NEB: variants seen among roughly 807,000 people sequenced by gnomAD.
NEB encodes the protein nemaline myopathy type 2.
In NEB, 512 loss-of-function variants were observed where a neutral mutation model predicts 952.2. The observed-to-expected ratio is 0.54, with a 90% CI of 0.50 to 0.58. The LOEUF is 0.58. NEB is among the 20% of genes least tolerant of loss of function. NEB has a pLI of 0.00. For synonymous variants in NEB, 2,900 were observed against 3,149.8 expected (o/e 0.92, Z 2.66); for missense variants, 8,428 against 9,231.1 (o/e 0.91, Z 3.56).
chr2:151,545,593 G>C (rs937502494), intron 135 of NEB, among the ~76,000 whole-genome samples: 1 of 151,464 alleles, frequency 6.6e-6, no homozygotes, highest in African/African-American at 2.4e-5. Context: ...AAAAGAAAAA[G>C]AAAGGTCTTT....
At chr2:151,510,214 A>G (rs1023670066) in intron 161 of NEB, among the ~76,000 whole-genome samples, 2 of 152,190 alleles carry the variant, frequency 1.3e-5, no homozygotes, top group Non-Finnish European at 2.9e-5. Context: ...CAGACCCCCA[A>G]TAAACTTGTT....
intron 64 of NEB, among the ~76,000 whole-genome samples, chr2:151,635,363 T>G (rs2154085551): frequency 6.6e-6 from 1 of 152,226 alleles, no homozygotes; most frequent in African/African-American, 2.4e-5. Context: ...CAAGAATCCC[T>G]GAGGCACCAG....
chr2:151,521,532 A>C (rs1466206741), intron 153 of NEB, among the ~76,000 whole-genome samples: 1 of 152,234 alleles, frequency 6.6e-6, no homozygotes, highest in Admixed American at 6.5e-5. Flanking sequence ...GAGTTGTGAA[A>C]CACAGAAAAG....
intron 181 of NEB, among the ~76,000 whole-genome samples, chr2:151,488,699 A>G (rs1325814470): frequency 6.6e-6 from 1 of 152,092 alleles, no homozygotes; most frequent in East Asian, 1.9e-4. Context: ...ACAATTTTGT[A>G]TTTTACATCT....
At position 151,554,035 on chromosome 2, in the gene NEB, T is replaced by G; in HGVS notation, c.19429-10A>C. ...CTGATCTGTACAGGCGCTGTAAAGT[T>G]AAAATCACATGCCAGTTATACAGGA... is the stretch of plus-strand genomic sequence containing the variant. On this transcript the variant is annotated splice_polypyrimidine_tract_variant and intron_variant, in intron 125 of 181. Transcript: ENST00000397345. 1 of 1,612,586 alleles carries G rather than the reference T, an allele frequency of 6.2e-7. No individual in the cohort carries two copies. The highest frequency in any genetic ancestry group is 8.5e-7 in the Non-Finnish European group (1 of 1,178,810).
At chr2:151,691,997 A>T in intron 22 of NEB, 29 bp from the exon 23 acceptor site, 1 of 1,607,740 alleles carries the variant, frequency 6.2e-7, no homozygotes, top group East Asian at 2.2e-5. Context: ...AAAATAGATC[A>T]TGATTGTTAT....
At chr2:151,573,484 C>T (rs920783632) in intron 107 of NEB, among the ~76,000 whole-genome samples, 4 of 152,106 alleles carry the variant, frequency 2.6e-5, no homozygotes, top group African/African-American at 7.2e-5. Context: ...GACAAGAATG[C>T]GCTGCACCAT....
chr2:151,494,161 C>G lies in NEB; in HGVS notation c.24579G>C (p.Ser8193=), dbSNP rs202048855. The G allele has an allele frequency of 3.8e-5, 61 of 1,601,982 alleles. No homozygotes were observed. The East Asian group carries it at 1.3e-3, about 35-fold the overall frequency. ...GCACTTTTGTTTCTCAAGACAATAC[C>G]GAGCTAATGTTTTCTTGATTGCGTT... is the stretch of plus-strand genomic sequence containing the variant. ...RVKRNQENIS[S]VLYKENLGKA... Residue 8193 remains serine, a splice_region_variant and synonymous_variant, in exon 174 of 182, where the codon TCG becomes TCC. Transcript: ENST00000397345.
At chr2:151,625,720 T>C in intron 70 of NEB, 82 bp from the exon 71 acceptor site, 1 of 877,690 alleles carries the variant, frequency 1.1e-6, no homozygotes. Flanking sequence ...CATGACAAAG[T>C]TGAGAGCCAG....
intron 153 of NEB, among the ~76,000 whole-genome samples, chr2:151,523,897 A>G (rs1481904827): frequency 6.6e-5 from 10 of 152,204 alleles, no homozygotes. Context: ...TGAAAAAAAA[A>G]TGAATATTTT....
intron 157 of NEB, among the ~76,000 whole-genome samples, chr2:151,515,828 C>T (rs1434331241): frequency 2.6e-5 from 4 of 152,198 alleles, no homozygotes; most frequent in African/African-American, 9.6e-5. Flanking sequence ...GAAAGCTCCA[C>T]AAACTGCTGC....
chr2:151,507,800 G>A, intron 162 of NEB: 1 of 536,170 alleles, frequency 1.9e-6, no homozygotes, highest in Admixed American at 3.1e-5. Context: ...CACCAACGAA[G>A]TAACAGATGA....
chr2:151,679,208 C>T (rs2099396559), intron 32 of NEB, among the ~76,000 whole-genome samples: 1 of 152,094 alleles, frequency 6.6e-6, no homozygotes, highest in Admixed American at 6.5e-5. Flanking sequence ...AAAATGACTT[C>T]AGTTCACATC....
At chr2:151,626,511 A>T (rs1201090311) in intron 70 of NEB, among the ~76,000 whole-genome samples, 3 of 152,038 alleles carry the variant, frequency 2.0e-5, no homozygotes, top group Non-Finnish European at 4.4e-5. Context: ...ATAGACTTCA[A>T]ACAATTTGAA....
chr2:151,647,094 A>G (rs1475359846), intron 54 of NEB, among the ~76,000 whole-genome samples: 2 of 151,878 alleles, frequency 1.3e-5, no homozygotes, highest in Non-Finnish European at 1.5e-5. Flanking sequence ...CAAAAGTTTC[A>G]CAGACTTACT....
intron 28 of NEB, among the ~76,000 whole-genome samples, chr2:151,683,280 T>C (rs1281325042): frequency 6.6e-6 from 1 of 152,194 alleles, no homozygotes; most frequent in African/African-American, 2.4e-5. Flanking sequence ...TGTTTCTACA[T>C]TGGCTAACAA....
At position 151,497,959 on chromosome 2, in the gene NEB, T is replaced by G. The variant is rs1266153414; in HGVS notation, c.24208-241A>C. On this transcript the variant is annotated intron_variant, in intron 170 of 181. Coordinates refer to ENST00000397345, the MANE Select transcript of NEB (RefSeq NM_001164508.2). ...AGTTATCCATGTTATTTTTTTTCAT[T>G]TTTGTGAGTACGGTGCCTCCTAAAC... The G allele has an allele frequency of 1.1e-5, 16 of 1,437,940 alleles. No individual in the cohort carries two copies. In the Admixed American group the frequency reaches 2.0e-4, roughly 18 times the overall value. 89.1% of individuals were successfully genotyped at this position (1,437,940 alleles called of 1,614,324 possible).
At position 151,572,268 on chromosome 2, in the gene NEB, G is replaced by A. The variant is rs1168572132; in HGVS notation, c.17014-1667C>T. 3.3e-5 allele frequency among the ~76,000 whole-genome samples: 5 copies of A among 152,040 alleles called. 1 individual carries two copies. In the East Asian group the frequency reaches 7.7e-4, roughly 23 times the overall value. The stretch of plus-strand genomic sequence containing the variant: ...ACCCGGGAGGCAGAAGTTTCAGCAA[G>A]CTGAGATCACGCCACTGTACTCCAG... On this transcript the variant is annotated intron_variant, in intron 107 of 181. Coordinates refer to ENST00000397345, the MANE Select transcript of NEB (RefSeq NM_001164508.2).
At position 151,549,720 on chromosome 2, in the gene NEB, C is replaced by T. The variant is rs1312715025; in HGVS notation, c.19965G>A (p.Leu6655=). 1.3e-6 allele frequency: 2 copies of T among 1,589,124 alleles called. No homozygotes were observed. Among genetic ancestry groups the T allele is most frequent in the Admixed American group, 1.8e-5 (1 of 56,428 alleles). The change falls in exon 130 of 182, where the codon CTG becomes CTA. Residue 6655 remains leucine, a synonymous_variant. Coordinates refer to ENST00000397345, the MANE Select transcript of NEB (RefSeq NM_001164508.2). ...LQSSNLYKTS[L]RTLPTGYRLP... ...GTCTATATCCAGTGGGCAGGGTGCG[C>T]AGGCTGGTTTTGTATAGATTCTGCA...
Sources: gnomAD v4.1 joint callset for allele counts (sites outside exome capture counted in the v4.1 genomes callset) on GRCh38, gnomAD v4.1.1 for gene constraint, MANE v1.5 for transcripts, NCBI Gene and HGNC (gene_info 2026-07-23, HGNC 2026-07-21) for gene names.